SAMD12: variants seen among roughly 807,000 people sequenced by gnomAD.
SAMD12 encodes sterile alpha motif domain containing 12.
In SAMD12, 9 loss-of-function variants were observed where a neutral mutation model predicts 15.0. The ratio of observed to expected loss-of-function variants is 0.60; its 90% CI spans 0.36 to 1.05. The LOEUF (loss-of-function observed/expected upper bound fraction) is 1.05, where lower values mean the gene tolerates loss of function less well. Among genes scored for constraint, SAMD12 ranks in the 50% least tolerant of loss-of-function variants. The pLI, the probability that SAMD12 is intolerant of heterozygous loss-of-function variation, is 0.01. For synonymous variants in SAMD12, 86 were observed against 90.1 expected, an observed-to-expected ratio of 0.96 and a Z score of 0.25; for missense variants, 230 against 234.2, an observed-to-expected ratio of 0.98 and a Z score of 0.12.
At chr8:118,238,456 A>T (rs574286536) in intron 4 of SAMD12, among the ~76,000 whole-genome samples, 3 of 152,136 alleles carry the variant, frequency 2.0e-5, no homozygotes, top group African/African-American at 7.2e-5. Context: ...GACCCTTGAG[A>T]CCCTGAATCA....
intron 1 of SAMD12, among the ~76,000 whole-genome samples, chr8:118,599,288 G>A (rs938299359): frequency 5.3e-5 from 8 of 152,118 alleles, no homozygotes; most frequent in African/African-American, 1.4e-4. Flanking sequence ...AGGACCCCTC[G>A]TCCTCTCTGC....
chr8:118,166,403 G>C, the SAMD12 span, among the ~76,000 whole-genome samples: 1 of 152,102 alleles, frequency 6.6e-6, no homozygotes, highest in Non-Finnish European at 1.5e-5. Context: ...TCTCCTGTTG[G>C]AGACTGGCTT....
At chr8:118,366,264 T>C (rs548621528) in intron 4 of SAMD12, among the ~76,000 whole-genome samples, 1 of 152,324 alleles carries the variant, frequency 6.6e-6, no homozygotes, top group African/African-American at 2.4e-5. Flanking sequence ...TAACCTTTTC[T>C]GACACATTTC....
chr8:118,364,264 T>A (rs367884901), intron 4 of SAMD12, among the ~76,000 whole-genome samples: 9 of 152,182 alleles, frequency 5.9e-5, no homozygotes, highest in African/African-American at 1.9e-4. Context: ...AGAAAACTTA[T>A]TTCATATTTC....
intron 3 of SAMD12, among the ~76,000 whole-genome samples, chr8:118,411,810 G>A (rs1051854965): frequency 1.3e-5 from 2 of 152,126 alleles, no homozygotes; most frequent in African/African-American, 4.8e-5. Context: ...AACACTGTGT[G>A]ACAATTACTC....
the SAMD12 span, among the ~76,000 whole-genome samples, chr8:118,148,136 G>T: frequency 6.6e-6 from 1 of 151,640 alleles, no homozygotes; most frequent in South Asian, 2.1e-4. Flanking sequence ...CACCATGTTG[G>T]CCAGGCTAGT....
intron 4 of SAMD12, among the ~76,000 whole-genome samples, chr8:118,237,800 G>T (rs766693542): frequency 1.2e-4 from 19 of 152,132 alleles, no homozygotes; most frequent in Admixed American, 3.3e-4. Flanking sequence ...GAAATATATT[G>T]GTAACTGCAT....
intron 3 of SAMD12, among the ~76,000 whole-genome samples, chr8:118,427,320 C>A (rs1054881673): frequency 2.0e-5 from 3 of 152,164 alleles, no homozygotes; most frequent in South Asian, 2.1e-4. Context: ...GAAAAGTACA[C>A]AAGTTTTTAT....
At chr8:118,337,228 G>A (rs1447554130) in intron 4 of SAMD12, among the ~76,000 whole-genome samples, 1 of 151,872 alleles carries the variant, frequency 6.6e-6, no homozygotes, top group East Asian at 1.9e-4. Flanking sequence ...TCCAGATTAC[G>A]GGACAAGATT....
At chr8:118,330,078 A>C (rs1237421464) in intron 4 of SAMD12, among the ~76,000 whole-genome samples, 1 of 152,182 alleles carries the variant, frequency 6.6e-6, no homozygotes, top group Admixed American at 6.5e-5. Context: ...TCTCTAACCC[A>C]ATTGTCACCA....
At chr8:118,499,716 C>T (rs1824725096) in intron 2 of SAMD12, among the ~76,000 whole-genome samples, 1 of 152,122 alleles carries the variant, frequency 6.6e-6, no homozygotes, top group Admixed American at 6.5e-5. Flanking sequence ...GGATAAAGCA[C>T]AAATAATTTA....
chr8:118,559,824 G>A (rs754314831), intron 2 of SAMD12, among the ~76,000 whole-genome samples: 1 of 151,978 alleles, frequency 6.6e-6, no homozygotes, highest in Non-Finnish European at 1.5e-5. Context: ...AATCTAATGG[G>A]GTGTTGTAAA....
intron 3 of SAMD12, among the ~76,000 whole-genome samples, chr8:118,409,723 C>T (rs1026362889): frequency 2.7e-5 from 4 of 147,472 alleles, no homozygotes; most frequent in African/African-American, 1.0e-4. Context: ...GGCTAAATGG[C>T]TTATAATATC....
chr8:118,615,267 C>A (rs1189540611), intron 1 of SAMD12, among the ~76,000 whole-genome samples: 1 of 152,178 alleles, frequency 6.6e-6, no homozygotes, highest in Non-Finnish European at 1.5e-5. Context: ...GTTAGGCTAT[C>A]CCCACCCAGC....
chr8:118,216,471 T>A (rs1389986555), intron 4 of SAMD12, among the ~76,000 whole-genome samples: 1 of 152,108 alleles, frequency 6.6e-6, no homozygotes, highest in African/African-American at 2.4e-5. Context: ...TTTAATTAGA[T>A]CCCATTTGTC....
chr8:118,151,787 G>A, the SAMD12 span, among the ~76,000 whole-genome samples: 1 of 149,484 alleles, frequency 6.7e-6, no homozygotes, highest in Admixed American at 6.7e-5. Flanking sequence ...CTGAGATCAC[G>A]CCACTGCACT....
chr8:118,331,743 T>C (rs1184100220), intron 4 of SAMD12, among the ~76,000 whole-genome samples: 1 of 152,214 alleles, frequency 6.6e-6, no homozygotes, highest in African/African-American at 2.4e-5. Context: ...GGTCCACACA[T>C]GTGAGAATCA....
intron 2 of SAMD12, among the ~76,000 whole-genome samples, chr8:118,453,558 T>C (rs1361619533): frequency 2.0e-5 from 3 of 152,186 alleles, no homozygotes; most frequent in Admixed American, 6.5e-5. Flanking sequence ...TCTTTCTCTG[T>C]CACTCAGGCT....
intron 2 of SAMD12, among the ~76,000 whole-genome samples, chr8:118,534,172 TAA>T (rs979096569): frequency 9.9e-5 from 15 of 152,282 alleles, no homozygotes; most frequent in African/African-American, 3.4e-4. Flanking sequence ...TGCTTGTCTG[TAA>T]AGTATTTTAT....
Sources: gnomAD v4.1 joint callset for allele counts (sites outside exome capture counted in the v4.1 genomes callset) on GRCh38, gnomAD v4.1.1 for gene constraint, MANE v1.5 for transcripts, NCBI Gene and HGNC (gene_info 2026-07-23, HGNC 2026-07-21) for gene names.